Variants in DHRS4L2 observed in about 807,000 individuals in gnomAD.
DHRS4L2 encodes the protein dehydrogenase/reductase 4 like 2, also known as dehydrogenase/reductase SDR family member 4-like 2.
DHRS4L2 carries 22 observed loss-of-function variants against 23.9 expected under a neutral mutation model. The observed-to-expected ratio is 0.92, with a 90% confidence interval of 0.66 to 1.31. The LOEUF is 1.31. DHRS4L2 is among the 40% of genes most tolerant of loss of function. The pLI is 0.00. For synonymous variants in DHRS4L2, 141 were observed against 123.7 expected, an observed-to-expected ratio of 1.14 and a Z score of -0.93; for missense variants, 385 against 303.3, an observed-to-expected ratio of 1.27 and a Z score of -2.00.
rs1157525811 is a variant in DHRS4L2 at position 23,999,354 on chromosome 14, A to AC, written c.409-1509_409-1508insC. On this transcript the variant is annotated intron_variant, in intron 3 of 7. Coordinates refer to ENST00000335125, the MANE Select transcript of DHRS4L2 (RefSeq NM_198083.4). ...CGAAACTCCAATTTGTAAAAAAAAAAAAAAAAAAAAAAAAAAAAAACAATA... is the reference window on the plus strand; with the variant it reads ...CGAAACTCCAATTTGTAAAAAAAAAACAAAAAAAAAAAAAAAAAAAACAATA... Among the ~76,000 whole-genome samples the AC allele has an allele frequency of 2.5e-4, 29 of 116,776 alleles. 1 individual carries two copies. The highest frequency in any genetic ancestry group is 4.2e-4 in the African/African-American group (8 of 18,898). The allele number at this position is 116,776 out of a possible 152,430, so 76.6% of individuals were successfully genotyped here.
chr14:23,975,458 A>G (rs1454742105), intron 1 of DHRS4L2, among the ~76,000 whole-genome samples: 2 of 151,854 alleles, frequency 1.3e-5, no homozygotes, highest in South Asian at 2.1e-4. Flanking sequence ...AGAATATTGC[A>G]TGCTCATCGA....
rs1156531366 is a variant in DHRS4L2 at position 23,994,357 on chromosome 14, G to C, written c.307-675G>C. Among the ~76,000 whole-genome samples the C allele has an allele frequency of 2.0e-5, 3 of 151,666 alleles. 1 individual carries two copies. The highest frequency in any genetic ancestry group is 4.4e-5 in the Non-Finnish European group (3 of 67,924). Reference sequence around the variant, plus strand: ...GGAAAGTGTAAAGAAAAGAGCGTCAGAGACAGCCTTGGAAGAATAGGAGGT... The same window carrying C: ...GGAAAGTGTAAAGAAAAGAGCGTCACAGACAGCCTTGGAAGAATAGGAGGT... On this transcript the variant is annotated intron_variant, in intron 2 of 7. Coordinates refer to ENST00000335125, the MANE Select transcript of DHRS4L2 (RefSeq NM_198083.4).
chr14:23,978,012 T>A (rs1400988351), intron 1 of DHRS4L2, among the ~76,000 whole-genome samples: 4 of 151,706 alleles, frequency 2.6e-5, no homozygotes, highest in Non-Finnish European at 5.9e-5. Context: ...GAATGCTGAC[T>A]GCATTCCTTT....
rs1396438869 is a variant in DHRS4L2, at chr14:24,000,871, C to T, written c.417C>T (p.Asp139=). 2 of 1,609,800 alleles carry T rather than the reference C, an allele frequency of 1.2e-6. No homozygotes were observed. The highest frequency in any genetic ancestry group is 1.7e-6 in the Non-Finnish European group (2 of 1,178,108). The change falls in exon 4 of 8, where the codon GAC becomes GAT. Residue 139 remains aspartate, a synonymous_variant. Coordinates refer to ENST00000335125, the MANE Select transcript of DHRS4L2 (RefSeq NM_198083.4). ...TCTTCTCTTGGCTTCAGACTCTGGACATTAATGTGAAGGCCCCAGCCCTGA... is the reference window on the plus strand; with the variant it reads ...TCTTCTCTTGGCTTCAGACTCTGGATATTAATGTGAAGGCCCCAGCCCTGA... ...VTEEVWDKTL[D]INVKAPALMT... is the part of the protein sequence containing the mutation.
intron 5 of DHRS4L2, 141 bp from the exon 6 acceptor site, chr14:24,001,243 G>A: frequency 6.4e-7 from 1 of 1,571,856 alleles, no homozygotes; most frequent in African/African-American, 1.4e-5. Flanking sequence ...TAACCTAGGG[G>A]AGGTTTAGCC....
At chr14:23,982,315 C>T (rs143156127) in intron 1 of DHRS4L2, among the ~76,000 whole-genome samples, 3 of 151,776 alleles carry the variant, frequency 2.0e-5, no homozygotes, top group African/African-American at 7.2e-5. Flanking sequence ...ATCCCTTAAA[C>T]CTTGGTTCCA....
upstream of DHRS4L2, among the ~76,000 whole-genome samples, chr14:23,985,283 T>A (rs1318886801): frequency 1.3e-5 from 2 of 151,630 alleles, no homozygotes; most frequent in African/African-American, 4.8e-5. Flanking sequence ...TTTCACCAGA[T>A]TAAAAATATT....
At chr14:23,994,389 A>G (rs1419792345) in intron 2 of DHRS4L2, among the ~76,000 whole-genome samples, 1 of 151,674 alleles carries the variant, frequency 6.6e-6, no homozygotes, top group South Asian at 2.1e-4. Flanking sequence ...AGGTGGGAAG[A>G]AAAGACTGCA....
Position 24,005,917 on chromosome 14 carries a change from G to C in DHRS4L2, c.*54G>C, listed in dbSNP as rs757295923. On this transcript the variant is annotated 3_prime_UTR_variant, in exon 8 of 8. Transcript: ENST00000335125. Reference sequence around the variant, plus strand: ...CGAGCCAGAGGATTGTGCTGGCATCGTGTCTTTCCTGTGCTCTGAAGATGC... The same window carrying C: ...CGAGCCAGAGGATTGTGCTGGCATCCTGTCTTTCCTGTGCTCTGAAGATGC... 1.2e-5 allele frequency: 19 copies of C among 1,607,664 alleles called. No homozygotes were observed. In the Admixed American group the frequency reaches 3.2e-4, roughly 27 times the overall value.
At chr14:24,001,152 C>T in intron 5 of DHRS4L2, 68 bp downstream of exon 5, 7 of 1,609,206 alleles carry the variant, frequency 4.3e-6, no homozygotes, top group Non-Finnish European at 5.9e-6. Context: ...CCTCCTATTA[C>T]CCAAAGAAGT....
chr14:23,994,547 G>A (rs1225639188), intron 2 of DHRS4L2, among the ~76,000 whole-genome samples: 1 of 151,394 alleles, frequency 6.6e-6, no homozygotes, highest in Non-Finnish European at 1.5e-5. Context: ...AATTGCCCGG[G>A]TGTGGTGGCA....
rs1277795595 is a variant in DHRS4L2, at chr14:23,990,249, C to T, written c.196C>T (p.Gln66Ter). 1 of 1,612,864 alleles carries T rather than the reference C, an allele frequency of 6.2e-7. No homozygotes were observed. Among genetic ancestry groups the T allele is most frequent in the Non-Finnish European group, 8.5e-7 (1 of 1,179,380 alleles). The change falls in exon 2 of 8, where the codon CAG becomes TAG. Residue 66 changes from glutamine to a stop codon, truncating the protein, a stop_gained. Coordinates refer to ENST00000335125, the MANE Select transcript of DHRS4L2 (RefSeq NM_198083.4). LOFTEE classifies it high-confidence loss of function. Reference protein sequence around the residue: ...RAHVVVSSRKQQNVDQAVATL... With the variant: ...RAHVVVSSRK Reference sequence around the variant, plus strand: ...CCACGTGGTCGTCAGCAGCCGGAAGCAGCAGAATGTGGACCAGGCGGTGGC... The same window carrying T: ...CCACGTGGTCGTCAGCAGCCGGAAGTAGCAGAATGTGGACCAGGCGGTGGC...
upstream of DHRS4L2, among the ~76,000 whole-genome samples, chr14:23,987,037 G>A (rs548952400): frequency 2.0e-5 from 3 of 151,830 alleles, 1 homozygote; most frequent in African/African-American, 7.2e-5. Context: ...TGCTGCAGCT[G>A]TAACTTCTTG....
intron 1 of DHRS4L2, among the ~76,000 whole-genome samples, chr14:23,972,765 T>C (rs1161354494): frequency 1.3e-5 from 2 of 152,018 alleles, no homozygotes; most frequent in Non-Finnish European, 2.9e-5. Context: ...ATTATTATCG[T>C]CATTATTTCA....
rs962542669 is a variant in DHRS4L2, at chr14:24,006,150, C to T, written c.*287C>T. On this transcript the variant is annotated 3_prime_UTR_variant, in exon 8 of 8. Transcript: ENST00000335125. ...TGTGAAAAGATCCAGCCTTCCCTGC[C>T]GTCAAGGTGGCGTCTTACTCGGGAT... 2.3e-6 allele frequency: 3 copies of T among 1,330,174 alleles called. No homozygotes were observed. The highest frequency in any genetic ancestry group is 3.0e-5 in the Admixed American group (1 of 33,076). The allele number at this position is 1,330,174 out of a possible 1,614,324, so 82.4% of individuals were successfully genotyped here. A position where few individuals can be genotyped will look rare whatever the true frequency, so the allele number is the denominator to read the frequency against.
At chr14:23,970,968 C>T (rs2033844563) in intron 1 of DHRS4L2, among the ~76,000 whole-genome samples, 2 of 152,076 alleles carry the variant, frequency 1.3e-5, no homozygotes, top group South Asian at 2.1e-4. Context: ...TAGCAAAGGA[C>T]ATCCACACTA....
upstream of DHRS4L2, chr14:23,988,861 G>C: frequency 6.6e-7 from 1 of 1,520,618 alleles, no homozygotes; most frequent in Non-Finnish European, 8.8e-7. Context: ...GGCAGGCAGG[G>C]AAGCGGCCCG....
intron 1 of DHRS4L2, among the ~76,000 whole-genome samples, chr14:23,977,952 C>T (rs1410917224): frequency 2.0e-5 from 3 of 151,570 alleles, no homozygotes; most frequent in Non-Finnish European, 4.4e-5. Context: ...TTTTGCTAAA[C>T]ACTCCTCTCT....
At chr14:23,983,816 G>C (rs1027176218) in intron 1 of DHRS4L2, among the ~76,000 whole-genome samples, 1 of 151,696 alleles carries the variant, frequency 6.6e-6, no homozygotes, top group East Asian at 1.9e-4. Flanking sequence ...TCACTCATAA[G>C]TGGGAGTGGA....
Sources: gnomAD v4.1 joint callset for allele counts (sites outside exome capture counted in the v4.1 genomes callset) on GRCh38, gnomAD v4.1.1 for gene constraint, MANE v1.5 for transcripts, NCBI Gene and HGNC (gene_info 2026-07-23, HGNC 2026-07-21) for gene names.